Variants in CCSER1 observed in about 807,000 individuals in gnomAD.
CCSER1 encodes the protein serine-rich coiled-coil domain-containing protein 1.
A neutral mutation model predicts 82.0 loss-of-function variants in CCSER1; 41 were observed. That is an observed-to-expected ratio of 0.50 (90% CI 0.39 to 0.65). CCSER1 has a LOEUF of 0.65. Among genes scored for constraint, CCSER1 ranks in the 30% least tolerant of loss-of-function variants. The probability of loss-of-function intolerance (pLI) is 0.00; values close to 1 mark genes in which losing one functional copy is unlikely to be tolerated. For missense variants in CCSER1, 1,119 were observed against 1,064.2 expected (o/e 1.05, Z -0.72); for synonymous variants, 414 against 383.9 (o/e 1.08, Z -0.92).
chr4:91,512,447 G>A (rs1759876801), intron 10 of CCSER1, among the ~76,000 whole-genome samples: 1 of 152,090 alleles, frequency 6.6e-6, no homozygotes, highest in Non-Finnish European at 1.5e-5. Flanking sequence ...TCAGGCCTTT[G>A]GCCACAGACT....
At chr4:91,216,359 G>A (rs573462583) in intron 10 of CCSER1, among the ~76,000 whole-genome samples, 4 of 152,066 alleles carry the variant, frequency 2.6e-5, no homozygotes, top group South Asian at 2.1e-4. Context: ...TCGCTCTGTC[G>A]CCCAGTCTGG....
chr4:90,375,331 A>C (rs1748133930), intron 3 of CCSER1, among the ~76,000 whole-genome samples: 1 of 152,202 alleles, frequency 6.6e-6, no homozygotes, highest in African/African-American at 2.4e-5. Context: ...CATTCCTTCC[A>C]GATGACAGAG....
chr4:91,378,555 T>A (rs1750615594), intron 10 of CCSER1, among the ~76,000 whole-genome samples: 1 of 152,214 alleles, frequency 6.6e-6, no homozygotes, highest in African/African-American at 2.4e-5. Context: ...TCTGTTTGTC[T>A]GTTATTGGTG....
At chr4:90,956,273 G>A (rs1231206888) in intron 9 of CCSER1, among the ~76,000 whole-genome samples, 1 of 152,084 alleles carries the variant, frequency 6.6e-6, no homozygotes, top group Non-Finnish European at 1.5e-5. Flanking sequence ...TCAGATTTTG[G>A]CTTAAGAAAG....
chr4:90,611,104 G>C (rs1200090493), intron 5 of CCSER1, among the ~76,000 whole-genome samples: 1 of 90,558 alleles, frequency 1.1e-5, no homozygotes, highest in Non-Finnish European at 2.0e-5. Flanking sequence ...TTACCATGTT[G>C]ATCAGGCTGG....
chr4:91,001,050 A>C (rs1479718232), intron 9 of CCSER1, among the ~76,000 whole-genome samples: 2 of 152,142 alleles, frequency 1.3e-5, no homozygotes, highest in Non-Finnish European at 2.9e-5. Flanking sequence ...TGTGTTTAAC[A>C]TAGATAGCTC....
intron 8 of CCSER1, among the ~76,000 whole-genome samples, chr4:90,919,177 A>T (rs1728014040): frequency 6.6e-6 from 1 of 151,324 alleles, no homozygotes; most frequent in Non-Finnish European, 1.5e-5. Context: ...TTTTATTTCC[A>T]TCTGTAATTA....
intron 10 of CCSER1, among the ~76,000 whole-genome samples, chr4:91,172,472 G>A (rs1363538105): frequency 2.0e-5 from 3 of 152,188 alleles, no homozygotes; most frequent in African/African-American, 7.2e-5. Flanking sequence ...AGGCTAGGTA[G>A]GTGAAAGGAT....
chr4:90,158,047 T>A (rs1324824613), intron 1 of CCSER1, among the ~76,000 whole-genome samples: 1 of 152,100 alleles, frequency 6.6e-6, no homozygotes, highest in Non-Finnish European at 1.5e-5. Flanking sequence ...TACAGATGGG[T>A]TTTTGGTGTG....
At chr4:90,608,193 G>C (rs1425701630) in intron 5 of CCSER1, among the ~76,000 whole-genome samples, 1 of 152,144 alleles carries the variant, frequency 6.6e-6, no homozygotes, top group African/African-American at 2.4e-5. Flanking sequence ...TTTGAGCAGG[G>C]ATTAGTTGGG....
chr4:90,461,053 ATTTTTTTTTT>A (rs397880822), intron 4 of CCSER1, among the ~76,000 whole-genome samples: 3 of 49,714 alleles, frequency 6.0e-5, no homozygotes, highest in African/African-American at 2.3e-4. Flanking sequence ...TGCCCAGGCT[ATTTTTTTTTT>A]TTTTTTTTTT....
At position 90,309,297 on chromosome 4, in the gene CCSER1, C is replaced by T. The variant is rs202060801; in HGVS notation, c.1013C>T (p.Pro338Leu). 1.8e-4 allele frequency: 288 copies of T among 1,613,614 alleles called. No homozygotes were observed. Among genetic ancestry groups the T allele is most frequent in the East Asian group, 4.0e-4 (18 of 44,876 alleles). The change falls in exon 2 of 11, where the codon CCG becomes CTG. Residue 338 changes from proline to leucine, a missense_variant. Transcript: ENST00000509176. ...GQCSTESNSLPETSAANQKEV... is the reference protein window; with the variant it reads ...GQCSTESNSLLETSAANQKEV... Reference sequence around the variant, plus strand: ...TGTAGCACTGAATCTAATTCATTACCGGAAACCTCTGCTGCTAATCAGAAG... The same window carrying T: ...TGTAGCACTGAATCTAATTCATTACTGGAAACCTCTGCTGCTAATCAGAAG...
chr4:90,875,796 G>A (rs545475115), intron 8 of CCSER1, among the ~76,000 whole-genome samples: 1 of 152,252 alleles, frequency 6.6e-6, no homozygotes, highest in African/African-American at 2.4e-5. Flanking sequence ...GAAGGTCAAT[G>A]CACAGGAAGC....
At chr4:91,210,361 G>T (rs2149083249) in intron 10 of CCSER1, among the ~76,000 whole-genome samples, 1 of 151,374 alleles carries the variant, frequency 6.6e-6, no homozygotes, top group Non-Finnish European at 1.5e-5. Flanking sequence ...TTAAAAGTTT[G>T]ATGGGGGATG....
At chr4:90,698,853 C>T (rs918399416) in intron 6 of CCSER1, among the ~76,000 whole-genome samples, 4 of 152,116 alleles carry the variant, frequency 2.6e-5, no homozygotes, top group Non-Finnish European at 5.9e-5. Flanking sequence ...GCCTGTAATT[C>T]CAGCACTTTG....
Position 90,682,707 on chromosome 4 carries a change from T to C in CCSER1, c.1933-41207T>C, listed in dbSNP as rs79355899. On this transcript the variant is annotated intron_variant, in intron 6 of 10. Coordinates refer to ENST00000509176, the MANE Select transcript of CCSER1 (RefSeq NM_001145065.2). ...TGCTTCTTGTTGTGCACTAATAATA[T>C]CTACCAAGATCCATGTGGCTCTTTT... Among the ~76,000 whole-genome samples, 1,101 of 152,188 alleles carry C rather than the reference T, an allele frequency of 7.2e-3. 1 individual carries two copies. Among genetic ancestry groups the C allele is most frequent in the Non-Finnish European group, 0.012 (829 of 67,964 alleles).
intron 7 of CCSER1, among the ~76,000 whole-genome samples, chr4:90,806,564 C>G (rs2023543689): frequency 6.6e-6 from 1 of 152,196 alleles, no homozygotes; most frequent in Admixed American, 6.5e-5. Flanking sequence ...CACTGACCAG[C>G]TTCCAGGAGT....
chr4:90,548,688 G>A (rs1777082960), intron 5 of CCSER1, among the ~76,000 whole-genome samples: 1 of 150,756 alleles, frequency 6.6e-6, no homozygotes, highest in Non-Finnish European at 1.5e-5. Flanking sequence ...AGAAAAGTTA[G>A]TTACAATAAC....
intron 3 of CCSER1, among the ~76,000 whole-genome samples, chr4:90,367,950 G>A (rs1220461395): frequency 6.6e-6 from 1 of 151,840 alleles, no homozygotes; most frequent in African/African-American, 2.4e-5. Flanking sequence ...TGGATTAAAA[G>A]AGTTTTACAG....
Sources: gnomAD v4.1 joint callset for allele counts (sites outside exome capture counted in the v4.1 genomes callset) on GRCh38, gnomAD v4.1.1 for gene constraint, MANE v1.5 for transcripts, NCBI Gene and HGNC (gene_info 2026-07-23, HGNC 2026-07-21) for gene names.